Variants in CCDC149 observed in about 807,000 individuals in gnomAD.
CCDC149 encodes coiled-coil domain containing 149.
In CCDC149, 45 loss-of-function variants were observed where a neutral mutation model predicts 59.9. That is an observed-to-expected ratio of 0.75 (90% CI 0.59 to 0.96). The LOEUF is 0.96. CCDC149 is among the 40% of genes least tolerant of loss of function. The pLI is 0.00. For synonymous variants in CCDC149, 245 were observed against 260.6 expected (o/e 0.94, Z 0.58); for missense variants, 584 against 664.7 (o/e 0.88, Z 1.33).
At chr4:24,873,748 T>A (rs1246032183) in intron 2 of CCDC149, 29 bp from the exon 3 acceptor site, 1 of 1,579,800 alleles carries the variant, frequency 6.3e-7, no homozygotes, top group African/African-American at 1.4e-5. Flanking sequence ...TGCATTTTAC[T>A]CTTTTAGAAA....
intron 8 of CCDC149, among the ~76,000 whole-genome samples, chr4:24,833,298 T>C (rs771434568): frequency 2.6e-5 from 4 of 152,144 alleles, no homozygotes; most frequent in East Asian, 1.9e-4. Flanking sequence ...AAACATAAAA[T>C]TGGATGGCTG....
intron 1 of CCDC149, among the ~76,000 whole-genome samples, chr4:24,952,699 C>T (rs528092277): frequency 7.4e-6 from 1 of 135,052 alleles, no homozygotes; most frequent in East Asian, 2.4e-4. Flanking sequence ...AATTTACCCT[C>T]TTAACCATTT....
At chr4:24,918,013 A>G (rs116196012), upstream of CCDC149, among the ~76,000 whole-genome samples, 397 of 152,168 alleles carry the variant, frequency 2.6e-3, 5 homozygotes, top group African/African-American at 9.1e-3. Context: ...TGCAGGCCAG[A>G]AGAGGGACTG....
intron 12 of CCDC149, among the ~76,000 whole-genome samples, chr4:24,812,765 G>A (rs1288915538): frequency 1.3e-5 from 2 of 152,178 alleles, no homozygotes; most frequent in East Asian, 1.9e-4. Context: ...GAAGAGCAAA[G>A]GAACATCTTA....
intron 1 of CCDC149, among the ~76,000 whole-genome samples, chr4:24,953,649 A>C (rs138867287): frequency 1.3e-5 from 2 of 152,336 alleles, no homozygotes; most frequent in African/African-American, 4.8e-5. Flanking sequence ...ACTTCAAAGC[A>C]TGCAAAGTAT....
intron 1 of CCDC149, among the ~76,000 whole-genome samples, chr4:24,941,814 T>C (rs1288404392): frequency 6.6e-6 from 1 of 152,216 alleles, no homozygotes; most frequent in African/African-American, 2.4e-5. Flanking sequence ...GATAAATTCC[T>C]TGACACATGC....
At chr4:24,924,836 C>G (rs889794937) in intron 1 of CCDC149, among the ~76,000 whole-genome samples, 2 of 152,160 alleles carry the variant, frequency 1.3e-5, no homozygotes. Flanking sequence ...GGATGAGTAT[C>G]AAGGTTTCAT....
intron 9 of CCDC149, among the ~76,000 whole-genome samples, chr4:24,825,694 A>C (rs1386217137): frequency 6.6e-6 from 1 of 151,108 alleles, no homozygotes; most frequent in Non-Finnish European, 1.5e-5. Context: ...AATGGCGTGA[A>C]CCCAGGAGGC....
chr4:24,908,003 C>T (rs1048973886), intron 1 of CCDC149, among the ~76,000 whole-genome samples: 3 of 152,122 alleles, frequency 2.0e-5, no homozygotes, highest in African/African-American at 7.2e-5. Flanking sequence ...CATCTCTGTG[C>T]CCAAATTTGC....
chr4:24,841,809 T>C (rs1716953986), intron 4 of CCDC149, among the ~76,000 whole-genome samples: 1 of 152,110 alleles, frequency 6.6e-6, no homozygotes, highest in Admixed American at 6.5e-5. Flanking sequence ...AGTGTAGGCA[T>C]GAAGTGAGAG....
intron 8 of CCDC149, among the ~76,000 whole-genome samples, chr4:24,833,650 C>T (rs1461301521): frequency 6.6e-6 from 1 of 152,152 alleles, no homozygotes. Flanking sequence ...TTATTTAACA[C>T]TGCTGGACAT....
chr4:24,845,756 T>C (rs1433135693), intron 4 of CCDC149, among the ~76,000 whole-genome samples: 2 of 152,200 alleles, frequency 1.3e-5, no homozygotes, highest in Non-Finnish European at 2.9e-5. Context: ...ATGAGGCAAG[T>C]ACTACTGCTA....
At chr4:24,906,924 G>T (rs1041473315) in intron 1 of CCDC149, among the ~76,000 whole-genome samples, 1 of 152,164 alleles carries the variant, frequency 6.6e-6, no homozygotes, top group Non-Finnish European at 1.5e-5. Flanking sequence ...AATTAGGAGA[G>T]TGTGGGTAGA....
upstream of CCDC149, among the ~76,000 whole-genome samples, chr4:24,917,421 G>A (rs1722161316): frequency 6.6e-6 from 1 of 152,244 alleles, no homozygotes. Context: ...TCCTAAGGGG[G>A]CACAGGCTTG....
chr4:24,958,022 T>C (rs937599184), intron 1 of CCDC149, among the ~76,000 whole-genome samples: 39 of 152,340 alleles, frequency 2.6e-4, no homozygotes, highest in African/African-American at 9.1e-4. Context: ...CCTCAGCCAG[T>C]AGACATCAGG....
intron 1 of CCDC149, among the ~76,000 whole-genome samples, chr4:24,978,279 AT>A (rs1169433995): frequency 3.9e-5 from 6 of 152,298 alleles, no homozygotes; most frequent in East Asian, 3.9e-4. Flanking sequence ...CACAGACTTG[AT>A]TTTTTTAAAT....
chr4:24,852,170 A>G (rs1717699641), intron 4 of CCDC149, among the ~76,000 whole-genome samples: 1 of 151,914 alleles, frequency 6.6e-6, no homozygotes, highest in Admixed American at 6.6e-5. Context: ...ATTTTTCATA[A>G]TGGCTCCTTC....
chr4:24,968,002 C>T (rs1187132268), intron 1 of CCDC149, among the ~76,000 whole-genome samples: 2 of 152,100 alleles, frequency 1.3e-5, no homozygotes, highest in African/African-American at 4.8e-5. Flanking sequence ...CCCATTTAGC[C>T]CAGATGATAA....
rs375961300 is a variant in CCDC149, at chr4:24,959,093, C to G, written c.-65+20976G>C. ...GGTTCAAGCAATTCTCCTGCCTCAG[C>G]CTCCTGAGTAGCTGGGACTACAGGC... On this transcript the variant is annotated intron_variant, in intron 1 of 12. Coordinates refer to the CCDC149 transcript ENST00000389609. Among the ~76,000 whole-genome samples, 295 of 152,218 alleles carry G rather than the reference C, an allele frequency of 1.9e-3. 7 individuals are homozygous for G. The South Asian group carries it at 0.048, about 25-fold the overall frequency.
Sources: gnomAD v4.1 joint callset for allele counts (sites outside exome capture counted in the v4.1 genomes callset) on GRCh38, gnomAD v4.1.1 for gene constraint, MANE v1.5 for transcripts, NCBI Gene and HGNC (gene_info 2026-07-23, HGNC 2026-07-21) for gene names.